The following LTF variants were observed in gnomAD, a reference collection of about 807,000 sequenced individuals.
The protein encoded by LTF is lactotransferrin.
LTF carries 91 observed loss-of-function variants against 87.2 expected under a neutral mutation model. The ratio of observed to expected loss-of-function variants is 1.04; its 90% CI spans 0.88 to 1.24. LTF has a LOEUF of 1.24. Among genes scored for constraint, LTF ranks in the 50% most tolerant of loss-of-function variants. The pLI, the probability that LTF is intolerant of heterozygous loss-of-function variation, is 0.00. For missense variants in LTF, 901 were observed against 904.3 expected (o/e 1.00, Z 0.05); for synonymous variants, 378 against 356.1 (o/e 1.06, Z -0.69).
In LTF at chr3:46,437,973, CTGCGACA is replaced by C; in HGVS notation, c.2058_2064del (p.Tyr686Ter). 1 of 1,613,954 alleles carries C rather than the reference CTGCGACA, an allele frequency of 6.2e-7. No individual in the cohort carries two copies. Among genetic ancestry groups the C allele is most frequent in the Non-Finnish European group, 8.5e-7 (1 of 1,179,980 alleles). ...GAGCACTTTTTCAGATTAGTAATGC[CTGCGACA>C]TACTGTGGTCCCAAATATTTTTCAT... is the stretch of plus-strand genomic sequence containing the variant. On this transcript the variant is annotated frameshift_variant, in exon 16 of 17. Coordinates refer to ENST00000231751, the MANE Select transcript of LTF (RefSeq NM_002343.6). LOFTEE classifies it low-confidence loss of function (END_TRUNC).
chr3:46,469,531 G>T (rs1047101328), upstream of LTF: 1 of 152,314 alleles, frequency 6.6e-6, no homozygotes, highest in Non-Finnish European at 1.5e-5. Context: ...ATCCACCCGG[G>T]ACCCCATCCA....
chr3:46,445,264 C>G lies in LTF; in HGVS notation c.1513+17G>C, dbSNP rs1271351246. ...CCTCCAGGGTGGCCCACCCACCGCA[C>G]CTTTGGAACTCCTTACCAAATTTGC... On this transcript the variant is annotated intron_variant, in intron 12 of 16. Transcript: ENST00000231751. 2 of 1,600,678 alleles carry G rather than the reference C, an allele frequency of 1.2e-6. No individual in the cohort carries two copies. Among genetic ancestry groups the G allele is most frequent in the South Asian group, 2.2e-5 (2 of 89,476 alleles).
intron 6 of LTF, among the ~76,000 whole-genome samples, chr3:46,451,965 T>A (rs1353059079): frequency 6.6e-6 from 1 of 152,104 alleles, no homozygotes; most frequent in Non-Finnish European, 1.5e-5. Flanking sequence ...AATGTAGACA[T>A]TCACCGCAAA....
intron 10 of LTF, 110 bp downstream of exon 10, chr3:46,447,198 A>G: frequency 1.3e-6 from 1 of 749,340 alleles, no homozygotes; most frequent in East Asian, 2.6e-5. Flanking sequence ...CTCCCTTTTG[A>G]ATGTATCTGT....
chr3:46,454,239 A>G, intron 6 of LTF, 66 bp downstream of exon 6: 1 of 1,379,990 alleles, frequency 7.2e-7, no homozygotes, highest in Non-Finnish European at 1.0e-6. Flanking sequence ...ATTAGCTCAA[A>G]GGTCAGAGTC....
At chr3:46,448,582 G>C (rs960434217) in intron 9 of LTF, among the ~76,000 whole-genome samples, 4 of 152,090 alleles carry the variant, frequency 2.6e-5, no homozygotes, top group African/African-American at 7.2e-5. Context: ...AGGTGGTTTG[G>C]GGGGTTTGTT....
At chr3:46,482,324 G>A (rs1432759230) in intron 1 of LTF, among the ~76,000 whole-genome samples, 1 of 151,824 alleles carries the variant, frequency 6.6e-6, no homozygotes, top group South Asian at 2.1e-4. Flanking sequence ...ATAAAAATTA[G>A]TCTGGCTTGG....
At chr3:46,450,151 A>G in intron 7 of LTF, 123 bp from the exon 8 acceptor site, 2 of 788,226 alleles carry the variant, frequency 2.5e-6, no homozygotes. Flanking sequence ...GCCTCGGTTG[A>G]GACCCTCCTG....
chr3:46,440,035 A>C (rs923444036), intron 14 of LTF, among the ~76,000 whole-genome samples: 4 of 152,262 alleles, frequency 2.6e-5, no homozygotes, highest in Non-Finnish European at 4.4e-5. Flanking sequence ...GCAATGACTG[A>C]TAATAGGTGC....
Position 46,454,084 on chromosome 3 carries a change from G to A in LTF, c.703+221C>T, listed in dbSNP as rs763607683. Reference sequence around the variant, plus strand: ...GGAGGACGCATTGCCAAGCACCTAGGCATGGGTGTCTATGAGGGGAAGAGA... The same window carrying A: ...GGAGGACGCATTGCCAAGCACCTAGACATGGGTGTCTATGAGGGGAAGAGA... On this transcript the variant is annotated intron_variant, in intron 6 of 16. Coordinates refer to ENST00000231751, the MANE Select transcript of LTF (RefSeq NM_002343.6). The A allele has an allele frequency of 1.6e-5, 9 of 564,342 alleles. No individual in the cohort carries two copies. The South Asian group carries it at 1.9e-4, about 12-fold the overall frequency. 35.0% of individuals were successfully genotyped at this position (564,342 alleles called of 1,614,324 possible).
chr3:46,475,175 C>T (rs1168373879), intron 1 of LTF, among the ~76,000 whole-genome samples: 1 of 152,150 alleles, frequency 6.6e-6, no homozygotes, highest in Non-Finnish European at 1.5e-5. Context: ...ATACATTTGA[C>T]AACTGATATG....
Position 46,454,303 on chromosome 3 carries a change from A to G in LTF, c.703+2T>C, listed in dbSNP as rs774272261. ...ACCCACGGCTCATTACCCTGCTCTT[A>G]CCAAACACTGTGCTCTCTCTGATAA... On this transcript the variant is annotated splice_donor_variant, in intron 6 of 16. Coordinates refer to ENST00000231751, the MANE Select transcript of LTF (RefSeq NM_002343.6). LOFTEE classifies it high-confidence loss of function. 1.9e-6 allele frequency: 3 copies of G among 1,614,104 alleles called. No homozygotes were observed. The highest frequency in any genetic ancestry group is 2.5e-6 in the Non-Finnish European group (3 of 1,179,950).
chr3:46,447,462 T>C (rs1207830560), intron 9 of LTF, 64 bp from the exon 10 acceptor site: 5 of 1,125,766 alleles, frequency 4.4e-6, no homozygotes, highest in Admixed American at 1.7e-5. Flanking sequence ...CCTGTCTATA[T>C]AGCTCTCTGA....
upstream of LTF, chr3:46,465,063 G>A (rs948349159): frequency 4.9e-6 from 3 of 617,600 alleles, no homozygotes; most frequent in Non-Finnish European, 5.8e-6. Context: ...ACTCCACACC[G>A]CGCTGCGAGA....
upstream of LTF, among the ~76,000 whole-genome samples, chr3:46,469,257 C>A (rs1025797399): frequency 6.6e-6 from 1 of 152,216 alleles, no homozygotes; most frequent in African/African-American, 2.4e-5. Context: ...AGGCCCACAG[C>A]CAGGGGCTTT....
At chr3:46,442,792 T>A (rs6441991) in intron 13 of LTF, among the ~76,000 whole-genome samples, 9,273 of 152,168 alleles carry the variant, frequency 0.061, 419 homozygotes, top group South Asian at 0.15. Context: ...TCTTGGCAAA[T>A]GGAGGAAAAG....
intron 1 of LTF, among the ~76,000 whole-genome samples, chr3:46,478,953 G>A (rs1703397222): frequency 6.6e-6 from 1 of 152,228 alleles, no homozygotes; most frequent in Admixed American, 6.5e-5. Context: ...TGCACTTAGA[G>A]GGGTTCCCTC....
intron 1 of LTF, among the ~76,000 whole-genome samples, chr3:46,472,372 CA>C (rs1370850900): frequency 2.0e-5 from 3 of 151,942 alleles, no homozygotes; most frequent in Non-Finnish European, 4.4e-5. Context: ...AGAGAAGGAG[CA>C]GAGACAGGGA....
chr3:46,445,446 C>T lies in LTF; in HGVS notation c.1358-10G>A, dbSNP rs752271877. On this transcript the variant is annotated splice_polypyrimidine_tract_variant and intron_variant, in intron 11 of 16. Coordinates refer to ENST00000231751, the MANE Select transcript of LTF (RefSeq NM_002343.6). ...GCCACAGCAAGATATCCTGGCATAACAGATGACAGAAAAACAAGTCTTAAC... is the reference window on the plus strand; with the variant it reads ...GCCACAGCAAGATATCCTGGCATAATAGATGACAGAAAAACAAGTCTTAAC... The T allele has an allele frequency of 3.1e-6, 5 of 1,606,488 alleles. No homozygotes were observed. Among genetic ancestry groups the T allele is most frequent in the South Asian group, 2.2e-5 (2 of 90,184 alleles).
Sources: gnomAD v4.1 joint callset for allele counts (sites outside exome capture counted in the v4.1 genomes callset) on GRCh38, gnomAD v4.1.1 for gene constraint, MANE v1.5 for transcripts, NCBI Gene and HGNC (gene_info 2026-07-23, HGNC 2026-07-21) for gene names.